ALG14: variants seen among roughly 807,000 people sequenced by gnomAD.
The protein encoded by ALG14 is ALG14 UDP-N-acetylglucosaminyltransferase subunit, also known as UDP-N-acetylglucosamine transferase subunit ALG14.
In ALG14, 17 loss-of-function variants were observed where a neutral mutation model predicts 22.8. The observed-to-expected ratio is 0.75, with a 90% CI of 0.51 to 1.12. The LOEUF (loss-of-function observed/expected upper bound fraction) is 1.12. Ranked by LOEUF, ALG14 falls within the 50% of genes most tolerant of loss-of-function variation. The probability of loss-of-function intolerance (pLI) is 0.00; values close to 1 mark genes in which losing one functional copy is unlikely to be tolerated. For synonymous variants in ALG14, 89 were observed against 103.7 expected (o/e 0.86, Z 0.86); for missense variants, 288 against 271.8 (o/e 1.06, Z -0.42).
At chr1:95,046,823 C>A (rs527905494) in intron 2 of ALG14, among the ~76,000 whole-genome samples, 1 of 152,074 alleles carries the variant, frequency 6.6e-6, no homozygotes. Flanking sequence ...GCAGTCTAGG[C>A]GCAGTGGCTT....
At chr1:94,983,396 G>A in intron 3 of ALG14, 90 bp from the exon 4 acceptor site, 1 of 1,045,316 alleles carries the variant, frequency 9.6e-7, no homozygotes, top group Non-Finnish European at 1.4e-6. Context: ...TTTCAGAGGG[G>A]ATCTGCTTAT....
intron 3 of ALG14, among the ~76,000 whole-genome samples, chr1:95,001,595 G>A (rs1341289307): frequency 7.2e-5 from 11 of 152,156 alleles, no homozygotes; most frequent in South Asian, 2.1e-4. Flanking sequence ...TCCCGGGCTC[G>A]AGCAATTCTC....
At chr1:95,048,137 G>A (rs760361822) in intron 2 of ALG14, among the ~76,000 whole-genome samples, 1 of 152,082 alleles carries the variant, frequency 6.6e-6, no homozygotes, top group Non-Finnish European at 1.5e-5. Context: ...TATAGAATCA[G>A]CACTCATTTT....
intron 1 of ALG14, among the ~76,000 whole-genome samples, chr1:95,072,434 A>G (rs1675595540): frequency 6.6e-6 from 1 of 152,218 alleles, no homozygotes. Flanking sequence ...CTAGATTAAT[A>G]ATGCACAACA....
chr1:95,072,205 G>A (rs186473199), intron 1 of ALG14, among the ~76,000 whole-genome samples: 199 of 152,274 alleles, frequency 1.3e-3, no homozygotes, highest in Non-Finnish European at 2.1e-3. Context: ...TCAAATATGT[G>A]TATTTAAAAT....
intron 2 of ALG14, among the ~76,000 whole-genome samples, chr1:95,033,402 C>CATAT (rs752147406): frequency 2.4e-3 from 332 of 138,738 alleles, no homozygotes; most frequent in African/African-American, 6.6e-3. Context: ...TACATACATA[C>CATAT]ATATATATAT....
chr1:95,070,690 T>C (rs1675530281), intron 1 of ALG14, among the ~76,000 whole-genome samples: 1 of 152,200 alleles, frequency 6.6e-6, no homozygotes, highest in Non-Finnish European at 1.5e-5. Context: ...TGTCAAGCAC[T>C]TTACTGAACA....
intron 3 of ALG14, among the ~76,000 whole-genome samples, chr1:94,986,695 T>C (rs1306451929): frequency 6.6e-6 from 1 of 151,842 alleles, no homozygotes; most frequent in African/African-American, 2.4e-5. Context: ...ATGGTCTCGA[T>C]CTCTTGACCT....
intron 2 of ALG14, among the ~76,000 whole-genome samples, chr1:95,050,711 G>C (rs1571655868): frequency 6.6e-6 from 1 of 152,112 alleles, no homozygotes; most frequent in Admixed American, 6.6e-5. Flanking sequence ...GGCCTCTAAA[G>C]GATGGGGAGG....
intron 3 of ALG14, among the ~76,000 whole-genome samples, chr1:95,017,930 G>A (rs1673549297): frequency 6.6e-6 from 1 of 152,176 alleles, no homozygotes. Flanking sequence ...CCCAGCAGAG[G>A]GAGTGGCTTG....
At chr1:94,994,850 A>G (rs1215463011) in intron 3 of ALG14, among the ~76,000 whole-genome samples, 1 of 152,224 alleles carries the variant, frequency 6.6e-6, no homozygotes, top group Admixed American at 6.5e-5. Flanking sequence ...TTTAATAGAG[A>G]TATCAGTAGC....
chr1:95,039,458 G>A (rs1674313242), intron 2 of ALG14, among the ~76,000 whole-genome samples: 1 of 152,098 alleles, frequency 6.6e-6, no homozygotes, highest in African/African-American at 2.4e-5. Context: ...CAGTGAGAAG[G>A]GAGATTTAGG....
At chr1:95,040,447 T>G (rs1674343831) in intron 2 of ALG14, among the ~76,000 whole-genome samples, 1 of 152,196 alleles carries the variant, frequency 6.6e-6, no homozygotes, top group Admixed American at 6.5e-5. Context: ...CATGCTCACC[T>G]GCTTGGTCAA....
chr1:94,990,428 A>G (rs978968151), intron 3 of ALG14, among the ~76,000 whole-genome samples: 2 of 152,240 alleles, frequency 1.3e-5, no homozygotes, highest in African/African-American at 2.4e-5. Context: ...TATCAAGAAC[A>G]ACATTAAATC....
intron 3 of ALG14, among the ~76,000 whole-genome samples, chr1:94,992,890 C>T (rs527884529): frequency 5.3e-5 from 8 of 151,958 alleles, no homozygotes; most frequent in South Asian, 2.1e-4. Context: ...GCTTGCTCCA[C>T]GGTAATGTGT....
intron 2 of ALG14, among the ~76,000 whole-genome samples, chr1:95,045,582 G>C (rs1159210931): frequency 6.6e-6 from 1 of 151,760 alleles, no homozygotes; most frequent in African/African-American, 2.4e-5. Flanking sequence ...TGTATACATT[G>C]TATTAGTATA....
intron 2 of ALG14, among the ~76,000 whole-genome samples, chr1:95,042,145 T>G (rs976548401): frequency 6.6e-6 from 1 of 152,136 alleles, no homozygotes; most frequent in African/African-American, 2.4e-5. Flanking sequence ...ATTGTAACTT[T>G]AGAAAATACA....
rs1557933488 is a variant in ALG14 at position 94,976,259 on chromosome 1, G to A, written c.*6817C>T. 1 of 152,088 alleles carries A rather than the reference G, an allele frequency of 6.6e-6. No individual in the cohort carries two copies. Among genetic ancestry groups the A allele is most frequent in the East Asian group, 1.9e-4 (1 of 5,190 alleles). The allele number at this position is 152,088 out of a possible 1,614,324, so 9.4% of individuals were successfully genotyped here. On this transcript the variant is annotated 3_prime_UTR_variant, in exon 4 of 4. Coordinates refer to ENST00000370205, the MANE Select transcript of ALG14 (RefSeq NM_144988.4). ...AGAAAAGGGATAGAGTTTGGGAGAT[G>A]TGGATTTCCCATATTAAAAAAAAAT...
chr1:94,983,033 C>G lies in ALG14; in HGVS notation c.*43G>C. On this transcript the variant is annotated 3_prime_UTR_variant, in exon 4 of 4. Transcript: ENST00000370205. The stretch of plus-strand genomic sequence containing the variant: ...TTTTTCCCCCCAATTTGAGTACATA[C>G]TACTGTTAACTGCAAAATTCTAAAG... 6.4e-7 allele frequency: 1 copy of G among 1,563,554 alleles called. No homozygotes were observed. Among genetic ancestry groups the G allele is most frequent in the South Asian group, 1.1e-5 (1 of 89,824 alleles).
Sources: allele counts gnomAD v4.1 joint callset (sites outside exome capture counted in the v4.1 genomes callset), GRCh38; gene constraint gnomAD v4.1.1; transcripts MANE v1.5; gene names NCBI Gene and HGNC (gene_info 2026-07-23, HGNC 2026-07-21).